The following NAV3 variants were observed in gnomAD, a reference collection of about 807,000 sequenced individuals.
NAV3 encodes pore membrane and/or filament interacting like protein 1.
In NAV3, 87 loss-of-function variants were observed where a neutral mutation model predicts 244.7. The observed-to-expected ratio is 0.36, with a 90% CI of 0.30 to 0.42. The LOEUF (loss-of-function observed/expected upper bound fraction) is 0.42, where lower values mean the gene tolerates loss of function less well. NAV3 is among the 20% of genes least tolerant of loss of function. The pLI, the probability that NAV3 is intolerant of heterozygous loss-of-function variation, is 1.00. For synonymous variants in NAV3, 1,126 were observed against 1,042.2 expected, an observed-to-expected ratio of 1.08 and a Z score of -1.55; for missense variants, 2,663 against 2,893.3, an observed-to-expected ratio of 0.92 and a Z score of 1.83.
intron 2 of NAV3, among the ~76,000 whole-genome samples, chr12:77,605,643 G>A (rs117982000): frequency 0.02 from 3,077 of 152,162 alleles, 47 homozygotes; most frequent in Middle Eastern, 0.075. Context: ...TTAGAGGGAA[G>A]TGCACAAAAT....
intron 2 of NAV3, among the ~76,000 whole-genome samples, chr12:77,572,513 T>G (rs1447985068): frequency 6.6e-6 from 1 of 152,138 alleles, no homozygotes; most frequent in East Asian, 1.9e-4. Flanking sequence ...CACTCTTGAC[T>G]TCATACTAGT....
At chr12:78,150,651 A>G (rs1286571103) in intron 22 of NAV3, among the ~76,000 whole-genome samples, 18 of 151,052 alleles carry the variant, frequency 1.2e-4, no homozygotes, top group African/African-American at 4.4e-4. Context: ...ACACACACAC[A>G]CACACACACA....
At chr12:77,710,177 T>C (rs1239342829) in intron 2 of NAV3, among the ~76,000 whole-genome samples, 1 of 152,170 alleles carries the variant, frequency 6.6e-6, no homozygotes, top group Non-Finnish European at 1.5e-5. Context: ...ATTCCAAACA[T>C]AACAAACTTC....
intron 2 of NAV3, among the ~76,000 whole-genome samples, chr12:77,765,772 G>A (rs370054723): frequency 6.6e-6 from 1 of 151,960 alleles, no homozygotes; most frequent in African/African-American, 2.4e-5. Context: ...GGGAATAGAA[G>A]TCAGAAAAAG....
intron 38 of NAV3, among the ~76,000 whole-genome samples, chr12:78,201,548 T>A (rs1257094965): frequency 2.6e-5 from 4 of 152,074 alleles, no homozygotes; most frequent in Non-Finnish European, 5.9e-5. Flanking sequence ...TATTTTTTCC[T>A]AACTAAAAGA....
At chr12:77,855,553 A>G (rs1015201866) in intron 1 of NAV3, among the ~76,000 whole-genome samples, 4 of 152,252 alleles carry the variant, frequency 2.6e-5, no homozygotes, top group Non-Finnish European at 5.9e-5. Context: ...GGTGGGGTAC[A>G]GAAGTGTATT....
intron 2 of NAV3, among the ~76,000 whole-genome samples, chr12:77,693,732 A>G (rs891984540): frequency 1.3e-5 from 2 of 152,066 alleles, no homozygotes; most frequent in Non-Finnish European, 2.9e-5. Context: ...TTGTGCTGGT[A>G]GTTAATGTTA....
intron 2 of NAV3, among the ~76,000 whole-genome samples, chr12:77,794,309 C>T (rs1871311832): frequency 6.6e-6 from 1 of 152,060 alleles, no homozygotes; most frequent in Admixed American, 6.6e-5. Flanking sequence ...CTGTTCATAG[C>T]CTTCTTGTTT....
chr12:77,755,546 TC>T (rs1457872370), intron 2 of NAV3, among the ~76,000 whole-genome samples: 2 of 54,284 alleles, frequency 3.7e-5, no homozygotes, highest in Admixed American at 1.5e-4. Flanking sequence ...TCCTTTCCTT[TC>T]CTTTCCTTTC....
chr12:78,014,283 T>C (rs187629507), intron 8 of NAV3, among the ~76,000 whole-genome samples: 5 of 152,160 alleles, frequency 3.3e-5, no homozygotes, highest in Non-Finnish European at 7.4e-5. Context: ...AAACAATGCA[T>C]TGGACATAAA....
intron 3 of NAV3, among the ~76,000 whole-genome samples, chr12:77,954,664 A>C (rs1891200095): frequency 6.6e-6 from 1 of 152,180 alleles, no homozygotes; most frequent in African/African-American, 2.4e-5. Context: ...AGAAGCTCCA[A>C]ATCATTTTCC....
Position 78,198,918 on chromosome 12 carries a change from CA to C in NAV3, c.6518+257del, listed in dbSNP as rs71088371. ...TCAGATGTGTTTCTTTAAACAAAAA[CA>C]AAAAAAAAAAAAAAGGAAAGAAAAA... On this transcript the variant is annotated intron_variant, in intron 36 of 39. Coordinates refer to ENST00000397909, the MANE Select transcript of NAV3 (RefSeq NM_001024383.2). 2.1e-3 allele frequency among the ~76,000 whole-genome samples: 213 copies of C among 99,490 alleles called. No homozygotes were observed. The Middle Eastern group carries it at 0.041, about 19-fold the overall frequency. 65.3% of individuals were successfully genotyped at this position (99,490 alleles called of 152,430 possible). A position where few individuals can be genotyped will look rare whatever the true frequency, so the allele number is the denominator to read the frequency against.
At chr12:77,865,501 T>C (rs1879866695) in intron 1 of NAV3, among the ~76,000 whole-genome samples, 1 of 152,048 alleles carries the variant, frequency 6.6e-6, no homozygotes, top group Non-Finnish European at 1.5e-5. Context: ...TAAGAACATA[T>C]CCTCATTAAT....
At chr12:77,858,302 G>A (rs1246595820) in intron 1 of NAV3, among the ~76,000 whole-genome samples, 1 of 151,972 alleles carries the variant, frequency 6.6e-6, no homozygotes, top group African/African-American at 2.4e-5. Context: ...GGAAACAGGG[G>A]GTTTAAGCGG....
intron 2 of NAV3, among the ~76,000 whole-genome samples, chr12:77,767,534 G>C (rs1250862772): frequency 1.3e-5 from 2 of 152,190 alleles, no homozygotes; most frequent in African/African-American, 4.8e-5. Context: ...GTGTGAGTAG[G>C]TGAGTGTGGG....
At chr12:77,712,451 G>C (rs1040292036) in intron 2 of NAV3, among the ~76,000 whole-genome samples, 1 of 152,092 alleles carries the variant, frequency 6.6e-6, no homozygotes. Flanking sequence ...ATCAAAGCTT[G>C]TGAAACAAAA....
At chr12:77,980,115 T>C (rs766861407) in intron 5 of NAV3, among the ~76,000 whole-genome samples, 4 of 152,162 alleles carry the variant, frequency 2.6e-5, no homozygotes, top group Non-Finnish European at 5.9e-5. Context: ...TGTCCAGATA[T>C]AATTATCTGA....
chr12:78,089,820 C>T (rs1454744805), intron 12 of NAV3, among the ~76,000 whole-genome samples: 1 of 152,102 alleles, frequency 6.6e-6, no homozygotes, highest in Non-Finnish European at 1.5e-5. Context: ...CCAAAGGATC[C>T]AATGTATCTA....
intron 20 of NAV3, among the ~76,000 whole-genome samples, chr12:78,140,896 A>G (rs1169616983): frequency 2.0e-5 from 3 of 150,676 alleles, no homozygotes; most frequent in African/African-American, 7.3e-5. Flanking sequence ...TTATTTATTT[A>G]TTTATTTATT....
Sources: allele counts gnomAD v4.1 joint callset (sites outside exome capture counted in the v4.1 genomes callset), GRCh38; gene constraint gnomAD v4.1.1; transcripts MANE v1.5; gene names NCBI Gene and HGNC (gene_info 2026-07-23, HGNC 2026-07-21).